The following NRG3 variants were observed in gnomAD, a reference collection of about 807,000 sequenced individuals.
The protein encoded by NRG3 is pro-neuregulin-3, membrane-bound isoform.
Under a neutral mutation model 66.9 loss-of-function variants are expected in NRG3, and 31 were observed. The ratio of observed to expected loss-of-function variants is 0.46; its 90% CI spans 0.35 to 0.63. The LOEUF is 0.63. NRG3 is among the 20% of genes least tolerant of loss of function. The pLI, the probability that NRG3 is intolerant of heterozygous loss-of-function variation, is 0.00. For missense variants in NRG3, 910 were observed against 878.9 expected (o/e 1.04, Z -0.45); for synonymous variants, 393 against 359.4 (o/e 1.09, Z -1.06).
At chr10:82,948,554 C>T (rs1269910123) in intron 4 of NRG3, among the ~76,000 whole-genome samples, 1 of 152,034 alleles carries the variant, frequency 6.6e-6, no homozygotes, top group Non-Finnish European at 1.5e-5. Flanking sequence ...TAATATCAAG[C>T]CTTCTAATCC....
chr10:82,735,743 C>T (rs1017296723), intron 2 of NRG3, among the ~76,000 whole-genome samples: 17 of 151,678 alleles, frequency 1.1e-4, no homozygotes, highest in South Asian at 4.2e-4. Flanking sequence ...CATCACACAC[C>T]GGGGCCTGTC....
chr10:81,914,270 T>G (rs1311026090), intron 1 of NRG3, among the ~76,000 whole-genome samples: 1 of 152,176 alleles, frequency 6.6e-6, no homozygotes, highest in African/African-American at 2.4e-5. Context: ...TCATGTAACT[T>G]CATATTTGTA....
intron 1 of NRG3, among the ~76,000 whole-genome samples, chr10:82,080,460 C>T (rs746212795): frequency 2.6e-5 from 4 of 151,882 alleles, no homozygotes; most frequent in Non-Finnish European, 5.9e-5. Context: ...CATCTTAGAC[C>T]CTCCTTCTGC....
intron 4 of NRG3, among the ~76,000 whole-genome samples, chr10:82,870,470 A>G (rs901508714): frequency 6.6e-6 from 1 of 152,198 alleles, no homozygotes; most frequent in Non-Finnish European, 1.5e-5. Context: ...CTGCTGGGTC[A>G]TATGGGAAGG....
At chr10:82,186,239 A>G (rs967237500) in intron 1 of NRG3, among the ~76,000 whole-genome samples, 2 of 152,306 alleles carry the variant, frequency 1.3e-5, no homozygotes, top group Admixed American at 6.5e-5. Flanking sequence ...ACATCTCCAC[A>G]TACCAACTTA....
At chr10:82,770,442 A>T (rs1254863711) in intron 3 of NRG3, among the ~76,000 whole-genome samples, 1 of 152,116 alleles carries the variant, frequency 6.6e-6, no homozygotes, top group African/African-American at 2.4e-5. Context: ...ATTATTTTGC[A>T]AATTCCTAAT....
At chr10:82,817,807 C>G (rs1022963810) in intron 3 of NRG3, among the ~76,000 whole-genome samples, 4 of 152,228 alleles carry the variant, frequency 2.6e-5, no homozygotes, top group Admixed American at 1.3e-4. Flanking sequence ...GCAGCTTTTA[C>G]ATGGTAGCTG....
chr10:82,529,896 A>T (rs1281845904), intron 2 of NRG3, among the ~76,000 whole-genome samples: 1 of 152,192 alleles, frequency 6.6e-6, no homozygotes, highest in African/African-American at 2.4e-5. Flanking sequence ...ATACAAAAAA[A>T]AAGTCAAACT....
intron 3 of NRG3, among the ~76,000 whole-genome samples, chr10:82,852,739 TG>T (rs1470283979): frequency 6.6e-6 from 1 of 152,214 alleles, no homozygotes; most frequent in Non-Finnish European, 1.5e-5. Flanking sequence ...TTCTGACATC[TG>T]CAGACCACAT....
At chr10:82,959,299 A>G (rs1316898483) in intron 6 of NRG3, among the ~76,000 whole-genome samples, 2 of 152,264 alleles carry the variant, frequency 1.3e-5, no homozygotes, top group Non-Finnish European at 2.9e-5. Flanking sequence ...AATCTGTAAT[A>G]TAAACTAATC....
chr10:82,574,118 G>C (rs915630959), intron 2 of NRG3, among the ~76,000 whole-genome samples: 1 of 151,738 alleles, frequency 6.6e-6, no homozygotes, highest in Non-Finnish European at 1.5e-5. Context: ...CAACAGCCAA[G>C]ATATGAACTC....
chr10:82,813,671 T>G lies in NRG3; in HGVS notation c.1028-51740T>G, dbSNP rs1343998607. Among the ~76,000 whole-genome samples, 6 of 152,214 alleles carry G rather than the reference T, an allele frequency of 3.9e-5. 2 individuals carry two copies. The South Asian group carries it at 1.0e-3, about 26-fold the overall frequency. On this transcript the variant is annotated intron_variant, in intron 3 of 8. Coordinates refer to ENST00000372141, the MANE Select transcript of NRG3 (RefSeq NM_001010848.4). ...ATCAACAATATGCTCAGAAAATGCT[T>G]ATTAATTAAACGGGCTGTCTTTTGT... is the stretch of plus-strand genomic sequence containing the variant.
intron 3 of NRG3, among the ~76,000 whole-genome samples, chr10:82,810,226 C>G (rs2061435516): frequency 6.6e-6 from 1 of 151,984 alleles, no homozygotes; most frequent in Admixed American, 6.6e-5. Flanking sequence ...GTAGCCCTAC[C>G]CTAAGGTTAT....
intron 2 of NRG3, among the ~76,000 whole-genome samples, chr10:82,556,203 T>C (rs2044639293): frequency 6.6e-6 from 1 of 152,210 alleles, no homozygotes; most frequent in Non-Finnish European, 1.5e-5. Flanking sequence ...CCTATTTTTT[T>C]TTCTATTCTC....
intron 2 of NRG3, among the ~76,000 whole-genome samples, chr10:82,696,461 G>A (rs548197671): frequency 6.6e-6 from 1 of 152,106 alleles, no homozygotes; most frequent in African/African-American, 2.4e-5. Context: ...GACAAACCTG[G>A]AATGATGACA....
chr10:82,884,602 T>C (rs1842580080), intron 4 of NRG3, among the ~76,000 whole-genome samples: 1 of 152,210 alleles, frequency 6.6e-6, no homozygotes, highest in African/African-American at 2.4e-5. Context: ...AAATTGACGC[T>C]ATACTATTAA....
chr10:82,971,571 G>A (rs1374713500), intron 6 of NRG3, among the ~76,000 whole-genome samples: 1 of 151,814 alleles, frequency 6.6e-6, no homozygotes, highest in African/African-American at 2.4e-5. Context: ...TGAGTAGCTG[G>A]GATTACAGGC....
intron 2 of NRG3, among the ~76,000 whole-genome samples, chr10:82,725,390 G>C (rs2494024): frequency 0.44 from 67,465 of 151,996 alleles, 16,624 homozygotes; most frequent in East Asian, 0.69. Context: ...TAAGAAGTCA[G>C]TATTGAAATT....
At chr10:82,172,421 A>G (rs1045105835) in intron 1 of NRG3, among the ~76,000 whole-genome samples, 5 of 152,164 alleles carry the variant, frequency 3.3e-5, no homozygotes, top group Admixed American at 6.6e-5. Context: ...AATGTGGACA[A>G]TGAACCCCAA....
Sources: allele counts gnomAD v4.1 joint callset (sites outside exome capture counted in the v4.1 genomes callset), GRCh38; gene constraint gnomAD v4.1.1; transcripts MANE v1.5; gene names NCBI Gene and HGNC (gene_info 2026-07-23, HGNC 2026-07-21).